The following ARL15 variants were observed in gnomAD, a reference collection of about 807,000 sequenced individuals.
The protein encoded by ARL15 is ARF like GTPase 15.
Under a neutral mutation model 25.2 loss-of-function variants are expected in ARL15, and 19 were observed. The observed-to-expected ratio is 0.75, with a 90% CI of 0.53 to 1.10. ARL15 has a LOEUF of 1.10. ARL15 is among the 50% of genes least tolerant of loss of function. ARL15 has a pLI of 0.00. For synonymous variants in ARL15, 94 were observed against 86.8 expected (o/e 1.08, Z -0.46); for missense variants, 220 against 246.0 (o/e 0.89, Z 0.71).
Position 54,199,804 on chromosome 5 carries a change from A to C in ARL15, c.49-27876T>G, listed in dbSNP as rs570753920. ...CCATCCCATTACTGGGTATATACCCAAAGGACTATAAATCATGCTGCTATA... is the reference window on the plus strand; with the variant it reads ...CCATCCCATTACTGGGTATATACCCCAAGGACTATAAATCATGCTGCTATA... On this transcript the variant is annotated intron_variant, in intron 1 of 4. Transcript: ENST00000504924. 2.0e-4 allele frequency among the ~76,000 whole-genome samples: 18 copies of C among 91,296 alleles called. 1 individual carries two copies. The South Asian group carries it at 5.1e-3, about 26-fold the overall frequency. 59.9% of individuals were successfully genotyped at this position (91,296 alleles called of 152,430 possible).
At chr5:53,999,662 C>T (rs910425569) in intron 4 of ARL15, among the ~76,000 whole-genome samples, 4 of 152,076 alleles carry the variant, frequency 2.6e-5, no homozygotes, top group Non-Finnish European at 4.4e-5. Flanking sequence ...CCTGTAATCC[C>T]AGCACTTTGG....
chr5:54,137,878 CT>C (rs3836816), intron 3 of ARL15, among the ~76,000 whole-genome samples: 37,878 of 144,246 alleles, frequency 0.26, 5,501 homozygotes, highest in Admixed American at 0.38. Context: ...AGAGAGAAAG[CT>C]TTTTTTTTTT....
At chr5:53,890,308 C>T (rs1002912567) in intron 4 of ARL15, among the ~76,000 whole-genome samples, 2 of 151,668 alleles carry the variant, frequency 1.3e-5, no homozygotes, top group African/African-American at 4.8e-5. Context: ...TAACATCTGA[C>T]GTTATTTTTA....
intron 4 of ARL15, chr5:54,048,261 T>C (rs1033245560): frequency 6.6e-6 from 1 of 152,116 alleles, no homozygotes; most frequent in African/African-American, 2.4e-5. Context: ...TCCTCCTGCT[T>C]CAGCCTCCAG....
chr5:54,217,406 C>T (rs1382890271), intron 1 of ARL15, among the ~76,000 whole-genome samples: 1 of 151,956 alleles, frequency 6.6e-6, no homozygotes, highest in African/African-American at 2.4e-5. Context: ...ATCTGAATCA[C>T]AAAGACAAAC....
At chr5:53,987,306 T>A (rs527664583) in intron 4 of ARL15, among the ~76,000 whole-genome samples, 126 of 136,972 alleles carry the variant, frequency 9.2e-4, no homozygotes, top group Non-Finnish European at 6.1e-4. Flanking sequence ...TTTAATTAAG[T>A]CCATCTGGCC....
intron 1 of ARL15, among the ~76,000 whole-genome samples, chr5:54,177,444 A>C (rs575635139): frequency 6.6e-6 from 1 of 152,338 alleles, no homozygotes; most frequent in Admixed American, 6.5e-5. Flanking sequence ...AAAGAAAAGA[A>C]AGCAAAAGAT....
chr5:54,293,972 C>T (rs1306238413), intron 1 of ARL15, among the ~76,000 whole-genome samples: 6 of 152,152 alleles, frequency 3.9e-5, no homozygotes, highest in South Asian at 2.1e-4. Context: ...ACTACAGGCA[C>T]GTGCCACCCA....
chr5:54,192,419 C>T (rs1579894847), intron 1 of ARL15, among the ~76,000 whole-genome samples: 1 of 152,126 alleles, frequency 6.6e-6, no homozygotes, highest in South Asian at 2.1e-4. Context: ...GAACATAAGT[C>T]CCATGACGGC....
Position 53,926,095 on chromosome 5 carries a change from TGTATCA to T in ARL15, c.463-39388_463-39383del, listed in dbSNP as rs967868654. The stretch of plus-strand genomic sequence containing the variant: ...CATCATCGCAATCCAAGTATCTTAT[TGTATCA>T]GGCAAACAGAAACCACTCCAGTTAT... On this transcript the variant is annotated intron_variant, in intron 4 of 4. Transcript: ENST00000504924. 9.9e-5 allele frequency among the ~76,000 whole-genome samples: 15 copies of T among 151,806 alleles called. No homozygotes were observed. The East Asian group carries it at 2.3e-3, about 24-fold the overall frequency.
At chr5:53,911,114 C>G (rs1015774085) in intron 4 of ARL15, among the ~76,000 whole-genome samples, 2 of 152,122 alleles carry the variant, frequency 1.3e-5, no homozygotes, top group East Asian at 3.9e-4. Flanking sequence ...TTCGATCATT[C>G]TTACTATTTT....
chr5:54,236,302 A>T (rs560853776), intron 1 of ARL15, among the ~76,000 whole-genome samples: 1 of 152,148 alleles, frequency 6.6e-6, no homozygotes, highest in Non-Finnish European at 1.5e-5. Flanking sequence ...GTTTTTATAG[A>T]TCTAGCCTCA....
At chr5:54,225,236 G>A (rs557214717) in intron 1 of ARL15, among the ~76,000 whole-genome samples, 1 of 152,248 alleles carries the variant, frequency 6.6e-6, no homozygotes, top group East Asian at 1.9e-4. Context: ...AAAAGAGACT[G>A]AAAAGAAGTG....
intron 3 of ARL15, among the ~76,000 whole-genome samples, chr5:54,135,998 T>C (rs1209455808): frequency 1.3e-5 from 2 of 152,164 alleles, no homozygotes; most frequent in Admixed American, 6.5e-5. Flanking sequence ...TGGAAAACAC[T>C]GCCTTGTCTC....
intron 4 of ARL15, among the ~76,000 whole-genome samples, chr5:53,971,950 A>G (rs2112184857): frequency 6.6e-6 from 1 of 152,350 alleles, no homozygotes; most frequent in East Asian, 1.9e-4. Context: ...GCATACTGAA[A>G]TATTTATGGA....
At chr5:53,969,571 T>C in intron 4 of ARL15, among the ~76,000 whole-genome samples, 1 of 152,340 alleles carries the variant, frequency 6.6e-6, no homozygotes, top group East Asian at 1.9e-4. Flanking sequence ...TTCTGGTGAA[T>C]GAGAGAGAAT....
At chr5:53,948,017 A>C (rs772148014) in intron 4 of ARL15, among the ~76,000 whole-genome samples, 20 of 152,206 alleles carry the variant, frequency 1.3e-4, no homozygotes, top group Non-Finnish European at 2.1e-4. Context: ...ATGAGATAAA[A>C]AGGGAGGTTG....
intron 4 of ARL15, among the ~76,000 whole-genome samples, chr5:53,921,161 C>T (rs571396541): frequency 1.4e-4 from 21 of 152,266 alleles, no homozygotes; most frequent in African/African-American, 4.3e-4. Context: ...ATTCTCATTA[C>T]GGCTCTGTCA....
intron 4 of ARL15, chr5:53,951,543 T>C: frequency 2.1e-6 from 1 of 471,098 alleles, no homozygotes; most frequent in South Asian, 1.6e-5. Context: ...GTTCTTTAGA[T>C]CACACAAATT....
Sources: gnomAD v4.1 joint callset for allele counts (sites outside exome capture counted in the v4.1 genomes callset) on GRCh38, gnomAD v4.1.1 for gene constraint, MANE v1.5 for transcripts, NCBI Gene and HGNC (gene_info 2026-07-23, HGNC 2026-07-21) for gene names.